The following COL6A6 variants were observed in gnomAD, a reference collection of about 807,000 sequenced individuals.
The protein encoded by COL6A6 is collagen type VI alpha 6 chain, also known as collagen alpha-6(VI) chain.
COL6A6 carries 183 observed loss-of-function variants against 208.6 expected under a neutral mutation model. The observed-to-expected ratio is 0.88, with a 90% CI of 0.78 to 0.99. The LOEUF (loss-of-function observed/expected upper bound fraction) is 0.99. COL6A6 is among the 50% of genes least tolerant of loss of function. The pLI is 0.00. For synonymous variants in COL6A6, 973 were observed against 1,011.8 expected (o/e 0.96, Z 0.73); for missense variants, 2,816 against 2,815.2 (o/e 1.00, Z -0.01).
intron 22 of COL6A6, among the ~76,000 whole-genome samples, chr3:130,610,445 T>G (rs1476391267): frequency 1.3e-5 from 2 of 152,206 alleles, no homozygotes; most frequent in Non-Finnish European, 2.9e-5. Context: ...GATCCTCAAC[T>G]GCCTAAATTT....
rs1317009596 is a variant in COL6A6, at chr3:130,566,620, T to C, written c.1283-82T>C. On this transcript the variant is annotated intron_variant, in intron 4 of 36. Coordinates refer to ENST00000358511, the MANE Select transcript of COL6A6 (RefSeq NM_001102608.3). ...CCATTTTTCTGTCTGAAGAGGTTCATATTTGTTCTTCTTTCCATGTGCTCT... is the reference window on the plus strand; with the variant it reads ...CCATTTTTCTGTCTGAAGAGGTTCACATTTGTTCTTCTTTCCATGTGCTCT... 8.5e-6 allele frequency: 10 copies of C among 1,170,820 alleles called. No individual in the cohort carries two copies. In the South Asian group the frequency reaches 1.6e-4, roughly 19 times the overall value. The allele number at this position is 1,170,820 out of a possible 1,614,324, so 72.5% of individuals were successfully genotyped here.
intron 1 of COL6A6, among the ~76,000 whole-genome samples, chr3:130,538,360 C>T (rs1019659494): frequency 3.9e-5 from 6 of 152,138 alleles, no homozygotes; most frequent in Admixed American, 3.9e-4. Context: ...TAAGGAAAGA[C>T]TTTAGGAGAG....
At chr3:130,671,710 T>C (rs1317024228) in intron 36 of COL6A6, among the ~76,000 whole-genome samples, 1 of 152,174 alleles carries the variant, frequency 6.6e-6, no homozygotes, top group Non-Finnish European at 1.5e-5. Flanking sequence ...GCATAGGAAT[T>C]AGGTCATTCT....
chr3:130,550,857 G>GT (rs1168030162), intron 1 of COL6A6, among the ~76,000 whole-genome samples: 5 of 152,152 alleles, frequency 3.3e-5, no homozygotes, highest in Admixed American at 2.0e-4. Context: ...TTTGTTGAGG[G>GT]TTTTTAACAT....
chr3:130,547,089 A>G (rs1409597108), intron 1 of COL6A6, among the ~76,000 whole-genome samples: 30 of 152,258 alleles, frequency 2.0e-4, no homozygotes, highest in Non-Finnish European at 1.5e-5. Context: ...TGGGCGGTTG[A>G]TGCGACCTGG....
chr3:130,581,873 C>T lies in COL6A6; in HGVS notation c.3860C>T (p.Thr1287Ile). The change falls in exon 9 of 37, where the codon ACA becomes ATA. Residue 1287 changes from threonine (T) to isoleucine (I), a missense_variant. Thr to Ile is a moderately conservative substitution (Grantham distance 89). Transcript: ENST00000358511. ...NANLLDSLWDTFQNKSAARGK... is the reference protein window; with the variant it reads ...NANLLDSLWDIFQNKSAARGK... ...AACCTCTTGGATTCTCTATGGGATA[C>T]ATTTCAGAATAAATCAGCTGCTCGA... 1 of 1,610,246 alleles carries T rather than the reference C, an allele frequency of 6.2e-7. No homozygotes were observed. Among genetic ancestry groups the T allele is most frequent in the Non-Finnish European group, 8.5e-7 (1 of 1,177,606 alleles).
Position 130,661,975 on chromosome 3 carries a change from G to A in COL6A6, c.6169G>A (p.Gly2057Arg). 1 of 1,613,950 alleles carries A rather than the reference G, an allele frequency of 6.2e-7. No individual in the cohort carries two copies. Among genetic ancestry groups the A allele is most frequent in the South Asian group, 1.1e-5 (1 of 91,080 alleles). Reference protein sequence around the residue: ...HVHESVKQLNGDAFIGHALQW... With the variant: ...HVHESVKQLNRDAFIGHALQW... ...GCACGAGTCAGTTAAACAACTAAAT[G>A]GAGATGCTTTTATTGGTCATGCCTT... The change falls in exon 35 of 37, where the codon GGA (glycine) becomes AGA (arginine). Residue 2057 changes from glycine to arginine, a missense_variant. By Grantham distance (125) the Gly-to-Arg change is moderately radical. Transcript: ENST00000358511.
intron 1 of COL6A6, among the ~76,000 whole-genome samples, chr3:130,542,898 C>CTTTTTTTTTT (rs56339748): frequency 7.6e-5 from 7 of 92,602 alleles, no homozygotes; most frequent in African/African-American, 2.5e-4. Flanking sequence ...TCCATTCACT[C>CTTTTTTTTTT]TTTTTTTTTT....
intron 20 of COL6A6, among the ~76,000 whole-genome samples, chr3:130,602,004 G>A (rs4328782): frequency 0.26 from 39,974 of 152,066 alleles, 9,885 homozygotes; most frequent in African/African-American, 0.65. Context: ...ATTTTGAGTG[G>A]AGCAGGGAAT....
chr3:130,670,082 C>G (rs766497310), intron 36 of COL6A6, among the ~76,000 whole-genome samples: 1 of 152,252 alleles, frequency 6.6e-6, no homozygotes, highest in Non-Finnish European at 1.5e-5. Flanking sequence ...CCTGGAATCT[C>G]TTGCTTACCT....
intron 36 of COL6A6, among the ~76,000 whole-genome samples, chr3:130,668,814 T>C (rs941904537): frequency 6.6e-6 from 1 of 152,154 alleles, no homozygotes; most frequent in African/African-American, 2.4e-5. Flanking sequence ...GATTTCAGTA[T>C]ACTAGTTTGA....
At chr3:130,635,814 CCTT>C (rs1420019013) in intron 28 of COL6A6, 53 bp downstream of exon 28, 7 of 1,269,626 alleles carry the variant, frequency 5.5e-6, no homozygotes, top group Admixed American at 1.9e-5. Context: ...GGGAAGTCCT[CCTT>C]TGTGCATTTA....
chr3:130,519,966 C>T (rs552201220), intron 1 of COL6A6, among the ~76,000 whole-genome samples: 15 of 152,276 alleles, frequency 9.9e-5, no homozygotes, highest in African/African-American at 3.6e-4. Context: ...ATTGTAATCT[C>T]CTTGGAAGTG....
chr3:130,533,050 A>T (rs879514189), intron 1 of COL6A6, among the ~76,000 whole-genome samples: 6 of 152,148 alleles, frequency 3.9e-5, no homozygotes, highest in Admixed American at 2.0e-4. Context: ...TAGCATTGAA[A>T]GCCTGAGTCC....
chr3:130,560,866 T>C (rs77554835), intron 2 of COL6A6, among the ~76,000 whole-genome samples: 2,553 of 152,346 alleles, frequency 0.017, 78 homozygotes, highest in African/African-American at 0.058. Context: ...GAAAGCTTCA[T>C]AGCACTGCCT....
chr3:130,616,267 A>G (rs2064518073), intron 23 of COL6A6, among the ~76,000 whole-genome samples: 2 of 152,144 alleles, frequency 1.3e-5, no homozygotes, highest in South Asian at 2.1e-4. Flanking sequence ...ATAGAATAAC[A>G]TGAGTGCTTT....
At chr3:130,590,182 T>G (rs1272893070) in intron 12 of COL6A6, 2 of 187,430 alleles carry the variant, frequency 1.1e-5, no homozygotes, top group African/African-American at 4.9e-5. Flanking sequence ...TAAACCCAGA[T>G]TTACAATATT....
chr3:130,631,226 G>T lies in COL6A6; in HGVS notation c.4993-3364G>T, dbSNP rs1193371765. Reference sequence around the variant, plus strand: ...AAATGATAAAGGGGATATCACCACCGATCCCACAGAAATACAAACTACCAT... The same window carrying T: ...AAATGATAAAGGGGATATCACCACCTATCCCACAGAAATACAAACTACCAT... On this transcript the variant is annotated intron_variant, in intron 26 of 36. Coordinates refer to ENST00000358511, the MANE Select transcript of COL6A6 (RefSeq NM_001102608.3). 3.0e-4 allele frequency among the ~76,000 whole-genome samples: 27 copies of T among 90,690 alleles called. 2 individuals are homozygous for T. Among genetic ancestry groups the T allele is most frequent in the Non-Finnish European group, 4.1e-4 (22 of 54,308 alleles). The allele number at this position is 90,690 out of a possible 152,430, so 59.5% of individuals were successfully genotyped here.
chr3:130,663,783 G>A (rs10512777), intron 35 of COL6A6, among the ~76,000 whole-genome samples: 30,134 of 152,126 alleles, frequency 0.2, 3,246 homozygotes, highest in South Asian at 0.36. Context: ...TAGGGTACAT[G>A]AGAGATACAT....
Sources: allele counts gnomAD v4.1 joint callset (sites outside exome capture counted in the v4.1 genomes callset), GRCh38; gene constraint gnomAD v4.1.1; transcripts MANE v1.5; gene names NCBI Gene and HGNC (gene_info 2026-07-23, HGNC 2026-07-21).